Variants in ENAH observed in about 807,000 individuals in gnomAD.
ENAH encodes the protein protein enabled homolog.
A neutral mutation model predicts 78.7 loss-of-function variants in ENAH; 23 were observed. The observed-to-expected ratio is 0.29, with a 90% CI of 0.21 to 0.41. The LOEUF is 0.41. ENAH is among the 10% of genes least tolerant of loss of function. The pLI is 1.00. For synonymous variants in ENAH, 226 were observed against 241.0 expected, an observed-to-expected ratio of 0.94 and a Z score of 0.58; for missense variants, 544 against 691.0, an observed-to-expected ratio of 0.79 and a Z score of 2.39.
At chr1:225,553,653 T>C (rs916442779) in intron 3 of ENAH, among the ~76,000 whole-genome samples, 2 of 151,842 alleles carry the variant, frequency 1.3e-5, no homozygotes, top group African/African-American at 2.4e-5. Context: ...TCTATACCTA[T>C]GATAGCATGC....
At chr1:225,585,618 T>C (rs1249839356) in intron 1 of ENAH, among the ~76,000 whole-genome samples, 1 of 151,876 alleles carries the variant, frequency 6.6e-6, no homozygotes, top group Non-Finnish European at 1.5e-5. Context: ...AGAAATCCTG[T>C]CTCTACTAAA....
intron 1 of ENAH, among the ~76,000 whole-genome samples, chr1:225,601,755 TA>T (rs2096932338): frequency 6.6e-6 from 1 of 151,850 alleles, no homozygotes; most frequent in African/African-American, 2.4e-5. Context: ...CAATAATTTT[TA>T]TAAATATTCA....
rs113424290 is a variant in ENAH at position 225,585,195 on chromosome 1, G to A, written c.6-17781C>T. ...CATGCCACTGCACTCCCATCTGGGC[G>A]ACGGAGTGATACCCTGTCTCAAAAA... On this transcript the variant is annotated intron_variant, in intron 1 of 13. Coordinates refer to ENST00000366843, the MANE Select transcript of ENAH (RefSeq NM_018212.6). 2.6e-3 allele frequency among the ~76,000 whole-genome samples: 319 copies of A among 120,454 alleles called. 2 individuals carry two copies. The highest frequency in any genetic ancestry group is 9.8e-3 in the African/African-American group (296 of 30,144). 79.0% of individuals were successfully genotyped at this position (120,454 alleles called of 152,430 possible). A position where few individuals can be genotyped will look rare whatever the true frequency, so the allele number is the denominator to read the frequency against.
At chr1:225,626,764 A>G (rs1658019458) in intron 1 of ENAH, among the ~76,000 whole-genome samples, 1 of 152,256 alleles carries the variant, frequency 6.6e-6, no homozygotes, top group Non-Finnish European at 1.5e-5. Flanking sequence ...TAGCATTAAC[A>G]TTTCCTTTCT....
At chr1:225,536,815 T>C (rs1383813350) in intron 3 of ENAH, among the ~76,000 whole-genome samples, 4 of 151,972 alleles carry the variant, frequency 2.6e-5, no homozygotes, top group African/African-American at 9.7e-5. Context: ...AAAATAAGAT[T>C]GATAAATGTC....
Position 225,492,401 on chromosome 1 carries a change from G to C in ENAH, c.*5374C>G, listed in dbSNP as rs1338577333. 6.6e-6 allele frequency: 1 copy of C among 152,096 alleles called. No individual in the cohort carries two copies. The highest frequency in any genetic ancestry group is 1.9e-4 in the East Asian group (1 of 5,196). 9.4% of individuals were successfully genotyped at this position (152,096 alleles called of 1,614,324 possible). The stretch of plus-strand genomic sequence containing the variant: ...TAGGAATTATATGTCTTTAAAAACT[G>C]AGGAAAAAGAACAGCACTACTCAAA... On this transcript the variant is annotated 3_prime_UTR_variant, in exon 14 of 14. Coordinates refer to ENST00000366843, the MANE Select transcript of ENAH (RefSeq NM_018212.6).
intron 3 of ENAH, among the ~76,000 whole-genome samples, chr1:225,550,422 TA>T (rs1409107834): frequency 1.3e-5 from 2 of 152,218 alleles, no homozygotes; most frequent in Non-Finnish European, 2.9e-5. Context: ...ACACAGTTTA[TA>T]AAAAATACGC....
At chr1:225,600,510 TC>T (rs201402703) in intron 1 of ENAH, among the ~76,000 whole-genome samples, 3,430 of 152,322 alleles carry the variant, frequency 0.023, 114 homozygotes, top group African/African-American at 0.078. Context: ...CAATTACTTT[TC>T]CACCAACCTA....
intron 1 of ENAH, among the ~76,000 whole-genome samples, chr1:225,596,061 CAATTTTTCT>C (rs1333275864): frequency 5.9e-5 from 9 of 152,130 alleles, no homozygotes; most frequent in Admixed American, 5.9e-4. Context: ...TAGCCTCTCA[CAATTTTTCT>C]AATAACAAAG....
chr1:225,580,062 T>C (rs1196466658), intron 1 of ENAH: 1 of 152,042 alleles, frequency 6.6e-6, no homozygotes, highest in Non-Finnish European at 1.5e-5. Flanking sequence ...GAAATAAAAA[T>C]TTATTATACC....
chr1:225,527,597 T>C (rs56396638), intron 4 of ENAH, among the ~76,000 whole-genome samples: 5,116 of 152,312 alleles, frequency 0.034, 128 homozygotes, highest in Non-Finnish European at 0.052. Context: ...TTGTACGGGA[T>C]ATATGTCAAA....
chr1:225,498,244 G>T, intron 13 of ENAH, 103 bp downstream of exon 13: 1 of 897,410 alleles, frequency 1.1e-6, no homozygotes, highest in Non-Finnish European at 1.8e-6. Context: ...GGAAGTCATT[G>T]CCCTCAACTA....
At chr1:225,590,607 T>C (rs2096870961) in intron 1 of ENAH, among the ~76,000 whole-genome samples, 1 of 152,104 alleles carries the variant, frequency 6.6e-6, no homozygotes, top group African/African-American at 2.4e-5. Context: ...CCCATTCCCT[T>C]TCCCAGATGA....
chr1:225,533,527 CTCTT>C lies in ENAH; in HGVS notation c.350-2893_350-2890del, dbSNP rs1453689444. On this transcript the variant is annotated intron_variant, in intron 3 of 13. Coordinates refer to ENST00000366843, the MANE Select transcript of ENAH (RefSeq NM_018212.6). Reference sequence around the variant, plus strand: ...TTAAGAAACTAGTGAACCTGCTTTGCTCTTTCTATGTTATCATAAAGAATAGCAG... The same window carrying C: ...TTAAGAAACTAGTGAACCTGCTTTGCTCTATGTTATCATAAAGAATAGCAG... Among the ~76,000 whole-genome samples the C allele has an allele frequency of 9.9e-5, 15 of 152,242 alleles. 1 individual carries two copies. In the South Asian group the frequency reaches 2.7e-3, roughly 27 times the overall value.
chr1:225,530,885 A>T (rs953740050), intron 3 of ENAH, among the ~76,000 whole-genome samples: 1 of 152,198 alleles, frequency 6.6e-6, no homozygotes, highest in African/African-American at 2.4e-5. Flanking sequence ...AAAAAGAAAC[A>T]TTTATATATG....
chr1:225,601,505 G>A (rs1308411337), intron 1 of ENAH, among the ~76,000 whole-genome samples: 1 of 147,902 alleles, frequency 6.8e-6, no homozygotes, highest in Non-Finnish European at 1.5e-5. Context: ...GTGACAGAGT[G>A]AGACTCCATC....
Position 225,492,725 on chromosome 1 carries a change from T to C in ENAH, c.*5050A>G, listed in dbSNP as rs2096228103. On this transcript the variant is annotated 3_prime_UTR_variant, in exon 14 of 14. Transcript: ENST00000366843. ...TTAGAAGGTTGTGTGCATCACAGAG[T>C]ATCTGTAACGGGGACAGTCCTATTT... The C allele has an allele frequency of 6.6e-6, 1 of 152,226 alleles. No individual in the cohort carries two copies. Among genetic ancestry groups the C allele is most frequent in the Non-Finnish European group, 1.5e-5 (1 of 68,046 alleles). The allele number at this position is 152,226 out of a possible 1,614,324, so 9.4% of individuals were successfully genotyped here. A position where few individuals can be genotyped will look rare whatever the true frequency, so the allele number is the denominator to read the frequency against.
intron 3 of ENAH, among the ~76,000 whole-genome samples, chr1:225,539,303 C>T (rs2096577775): frequency 6.6e-6 from 1 of 152,164 alleles, no homozygotes; most frequent in African/African-American, 2.4e-5. Flanking sequence ...AGAAGCTTAA[C>T]ATACATCAGT....
At chr1:225,603,259 G>A (rs74147610) in intron 1 of ENAH, among the ~76,000 whole-genome samples, 2,087 of 152,080 alleles carry the variant, frequency 0.014, 57 homozygotes, top group African/African-American at 0.047. Flanking sequence ...CAAATATTTA[G>A]AATTATATGT....
Sources: allele counts gnomAD v4.1 joint callset (sites outside exome capture counted in the v4.1 genomes callset), GRCh38; gene constraint gnomAD v4.1.1; transcripts MANE v1.5; gene names NCBI Gene and HGNC (gene_info 2026-07-23, HGNC 2026-07-21).